The following LARGE1 variants were observed in gnomAD, a reference collection of about 807,000 sequenced individuals.
LARGE1 encodes xylosyl- and glucuronyltransferase LARGE1.
Under a neutral mutation model 87.6 loss-of-function variants are expected in LARGE1, and 43 were observed. The ratio of observed to expected loss-of-function variants is 0.49; its 90% confidence interval spans 0.38 to 0.63. The LOEUF is 0.63. Among genes scored for constraint, LARGE1 ranks in the 30% least tolerant of loss-of-function variants. The probability of loss-of-function intolerance (pLI) is 0.00; values close to 1 mark genes in which losing one functional copy is unlikely to be tolerated. For missense variants in LARGE1, 802 were observed against 1,000.2 expected (o/e 0.80, Z 2.67); for synonymous variants, 434 against 394.6 (o/e 1.10, Z -1.18).
At chr22:33,798,126 A>C (rs1256227531) in intron 1 of LARGE1, among the ~76,000 whole-genome samples, 1 of 152,136 alleles carries the variant, frequency 6.6e-6, no homozygotes, top group East Asian at 1.9e-4. Context: ...AGCCGTCTCT[A>C]CTAAAAATAC....
At chr22:33,111,600 G>C in the LARGE1 span, among the ~76,000 whole-genome samples, 5 of 151,998 alleles carry the variant, frequency 3.3e-5, no homozygotes, top group African/African-American at 9.7e-5. Context: ...TTTATCTACT[G>C]TTGTTTTTAA....
chr22:33,375,390 C>A (rs893093462), intron 9 of LARGE1, among the ~76,000 whole-genome samples: 13 of 152,112 alleles, frequency 8.5e-5, no homozygotes, highest in Non-Finnish European at 1.6e-4. Context: ...TCTCTGCCTG[C>A]CACAGTGGCT....
Position 33,381,901 on chromosome 22 carries a change from T to A in LARGE1, c.1131+18A>T. 6.2e-7 allele frequency: 1 copy of A among 1,613,864 alleles called. No individual in the cohort carries two copies. Among genetic ancestry groups the A allele is most frequent in the Non-Finnish European group, 8.5e-7 (1 of 1,179,980 alleles). On this transcript the variant is annotated intron_variant, in intron 9 of 14. Transcript: ENST00000397394. ...CCACCTCACCCTACCTCCAGGGATG[T>A]CCCTGTGTTGACCCTACCTTTAGAT... is the stretch of plus-strand genomic sequence containing the variant.
intron 6 of LARGE1, among the ~76,000 whole-genome samples, chr22:33,476,185 G>A (rs1332474955): frequency 7.9e-5 from 12 of 152,214 alleles, no homozygotes; most frequent in African/African-American, 2.9e-4. Flanking sequence ...CTTCACAGGT[G>A]TGGGACAGAC....
intron 4 of LARGE1, among the ~76,000 whole-genome samples, chr22:33,613,678 T>G (rs1264717699): frequency 6.6e-6 from 1 of 152,152 alleles, no homozygotes; most frequent in African/African-American, 2.4e-5. Flanking sequence ...AAGTTTCTAA[T>G]GATTTGTGGA....
chr22:33,573,312 G>C (rs577044196), intron 5 of LARGE1, among the ~76,000 whole-genome samples: 1 of 151,992 alleles, frequency 6.6e-6, no homozygotes, highest in African/African-American at 2.4e-5. Flanking sequence ...GGTGGTGTGC[G>C]CATGTAATCC....
intron 6 of LARGE1, among the ~76,000 whole-genome samples, chr22:33,551,768 C>A (rs1178598798): frequency 6.6e-6 from 1 of 152,104 alleles, no homozygotes; most frequent in East Asian, 1.9e-4. Flanking sequence ...TGTCTGCAAT[C>A]AAAATCTCTT....
intron 5 of LARGE1, among the ~76,000 whole-genome samples, chr22:33,584,177 G>A (rs1027415732): frequency 2.6e-5 from 4 of 152,166 alleles, no homozygotes; most frequent in African/African-American, 7.2e-5. Context: ...CAGATAAAAA[G>A]CAGGTAAAGG....
At chr22:33,871,183 T>A (rs2064269124) in intron 1 of LARGE1, among the ~76,000 whole-genome samples, 1 of 152,334 alleles carries the variant, frequency 6.6e-6, no homozygotes, top group East Asian at 1.9e-4. Context: ...ATACATCCCA[T>A]TAGCTCAAAT....
rs1489467800 is a variant in LARGE1 at position 33,514,184 on chromosome 22, A to ATT, written c.787+50663_787+50664insAA. ...CATCATTAAGTGTCACAGACTGCAT[A>ATT]TATGTTTATGTGAACCAGTCCCCTG... On this transcript the variant is annotated intron_variant, in intron 6 of 14. Transcript: ENST00000397394. Among the ~76,000 whole-genome samples, 4 of 152,290 alleles carry ATT rather than the reference A, an allele frequency of 2.6e-5. No individual in the cohort carries two copies. In the East Asian group the frequency reaches 7.7e-4, roughly 29 times the overall value.
intron 6 of LARGE1, among the ~76,000 whole-genome samples, chr22:33,503,822 A>C (rs2070628346): frequency 6.6e-6 from 1 of 152,068 alleles, no homozygotes; most frequent in South Asian, 2.1e-4. Flanking sequence ...AAAAACAAAA[A>C]CACCAAAAAA....
intron 1 of LARGE1, among the ~76,000 whole-genome samples, chr22:33,795,997 A>T (rs1024107963): frequency 2.8e-4 from 13 of 47,114 alleles, no homozygotes; most frequent in Non-Finnish European, 4.5e-4. Context: ...TTAAAGTATT[A>T]AAAAAAAAAA....
At chr22:33,745,564 G>A (rs769980843) in intron 2 of LARGE1, among the ~76,000 whole-genome samples, 5 of 152,242 alleles carry the variant, frequency 3.3e-5, no homozygotes, top group Admixed American at 6.5e-5. Flanking sequence ...CCCAAACTGC[G>A]CTCAAGTGAG....
At chr22:33,162,913 G>C (rs1922082502) in exon 12 of LARGE1, 1 of 152,218 alleles carries the variant, frequency 6.6e-6, no homozygotes, top group Admixed American at 6.5e-5. Flanking sequence ...TCTTTCATTA[G>C]TGTTGGAGGT....
At chr22:33,427,973 A>G (rs764590003) in intron 7 of LARGE1, among the ~76,000 whole-genome samples, 1 of 152,222 alleles carries the variant, frequency 6.6e-6, no homozygotes, top group Non-Finnish European at 1.5e-5. Context: ...TGCGAACTAA[A>G]TAGTCATTTT....
chr22:33,302,537 G>A (rs1934296170), intron 12 of LARGE1, among the ~76,000 whole-genome samples: 1 of 152,140 alleles, frequency 6.6e-6, no homozygotes, highest in Non-Finnish European at 1.5e-5. Context: ...CGCAGGGCAC[G>A]GAGGGTATGC....
At chr22:33,131,210 CCTG>C in the LARGE1 span, among the ~76,000 whole-genome samples, 56 of 152,218 alleles carry the variant, frequency 3.7e-4, no homozygotes, top group East Asian at 9.1e-3. Context: ...CTTCTTTTAA[CCTG>C]CTATTATAGC....
intron 1 of LARGE1, among the ~76,000 whole-genome samples, chr22:33,777,104 A>G (rs2085262217): frequency 6.6e-6 from 1 of 152,336 alleles, no homozygotes; most frequent in Admixed American, 6.5e-5. Flanking sequence ...CACAATTTCA[A>G]AAGAGTGAGA....
At chr22:33,156,615 T>C in the LARGE1 span, among the ~76,000 whole-genome samples, 1 of 152,146 alleles carries the variant, frequency 6.6e-6, no homozygotes, top group African/African-American at 2.4e-5. Flanking sequence ...TTAAAGACTT[T>C]TAGGTGGAAG....
Sources: allele counts gnomAD v4.1 joint callset (sites outside exome capture counted in the v4.1 genomes callset), GRCh38; gene constraint gnomAD v4.1.1; transcripts MANE v1.5; gene names NCBI Gene and HGNC (gene_info 2026-07-23, HGNC 2026-07-21).